CDC14A: variants seen among roughly 807,000 people sequenced by gnomAD.
CDC14A encodes the protein cell division cycle 14A.
A neutral mutation model predicts 74.4 loss-of-function variants in CDC14A; 53 were observed. The observed-to-expected ratio is 0.71, with a 90% CI of 0.57 to 0.89. The LOEUF is 0.89. CDC14A is among the 40% of genes least tolerant of loss of function. The probability of loss-of-function intolerance (pLI) is 0.00; values close to 1 mark genes in which losing one functional copy is unlikely to be tolerated. For synonymous variants in CDC14A, 247 were observed against 258.4 expected, an observed-to-expected ratio of 0.96 and a Z score of 0.43; for missense variants, 646 against 713.7, an observed-to-expected ratio of 0.91 and a Z score of 1.08.
In CDC14A at chr1:100,519,568, A is replaced by G. The variant is rs1478549404; in HGVS notation, c.*1288A>G. Reference sequence around the variant, plus strand: ...TTTACTCCCAACCATTGAGTTATTTATAATGTATTTATTAGGGGAGGGTAC... The same window carrying G: ...TTTACTCCCAACCATTGAGTTATTTGTAATGTATTTATTAGGGGAGGGTAC... On this transcript the variant is annotated 3_prime_UTR_variant, in exon 16 of 16. Transcript: ENST00000336454. 1 of 152,522 alleles carries G rather than the reference A, an allele frequency of 6.6e-6. No homozygotes were observed. The highest frequency in any genetic ancestry group is 2.4e-5 in the African/African-American group (1 of 41,442). The allele number at this position is 152,522 out of a possible 1,614,324, so 9.4% of individuals were successfully genotyped here.
chr1:100,471,815 A>G (rs904249513), intron 10 of CDC14A, among the ~76,000 whole-genome samples: 4 of 152,178 alleles, frequency 2.6e-5, no homozygotes, highest in Non-Finnish European at 5.9e-5. Context: ...CTTGGCTCCT[A>G]TCTCACAACC....
intron 4 of CDC14A, among the ~76,000 whole-genome samples, chr1:100,396,090 G>A (rs1571058318): frequency 1.3e-5 from 2 of 152,200 alleles, no homozygotes; most frequent in South Asian, 4.1e-4. Context: ...AGACTAGAGG[G>A]TAAGGACTTT....
At chr1:100,345,955 G>A (rs1650380066) in intron 1 of CDC14A, among the ~76,000 whole-genome samples, 1 of 152,130 alleles carries the variant, frequency 6.6e-6, no homozygotes, top group South Asian at 2.1e-4. Context: ...GGCAGATCAT[G>A]AGGTCAGGAG....
Position 100,382,442 on chromosome 1 carries a change from TG to T in CDC14A, c.216+4822del, listed in dbSNP as rs1185997702. Reference sequence around the variant, plus strand: ...TTGTAGAGGCAGGGACACACTATGTTGATCAGGCTGGTCTTGAACTTCTGGG... The same window carrying T: ...TTGTAGAGGCAGGGACACACTATGTTATCAGGCTGGTCTTGAACTTCTGGG... On this transcript the variant is annotated intron_variant, in intron 3 of 15. Transcript: ENST00000336454. Among the ~76,000 whole-genome samples, 10 of 150,910 alleles carry T rather than the reference TG, an allele frequency of 6.6e-5. No individual in the cohort carries two copies. In the East Asian group the frequency reaches 1.9e-3, roughly 29 times the overall value.
intron 4 of CDC14A, among the ~76,000 whole-genome samples, chr1:100,420,035 C>CATATAT (rs1340962877): frequency 8.9e-4 from 12 of 13,504 alleles, no homozygotes; most frequent in Non-Finnish European, 1.6e-3. Flanking sequence ...CATATATACA[C>CATATAT]ACACACACAC....
chr1:100,444,591 T>C (rs1665326116), intron 7 of CDC14A, among the ~76,000 whole-genome samples: 1 of 152,218 alleles, frequency 6.6e-6, no homozygotes. Flanking sequence ...AATATCCCTG[T>C]TGCTTGGCTG....
In CDC14A at chr1:100,442,883, G is replaced by A. The variant is rs147027432; in HGVS notation, c.457-51G>A. 7.1e-5 allele frequency: 84 copies of A among 1,184,156 alleles called. No individual in the cohort carries two copies. In the Middle Eastern group the frequency reaches 9.5e-4, roughly 13 times the overall value. The allele number at this position is 1,184,156 out of a possible 1,614,324, so 73.4% of individuals were successfully genotyped here. A position where few individuals can be genotyped will look rare whatever the true frequency, so the allele number is the denominator to read the frequency against. ...TAAGTAGGAGTTCCAGAAATGATGA[G>A]TAGAGTTTATCAATTTAGCATGGAA... On this transcript the variant is annotated intron_variant, in intron 6 of 15. Coordinates refer to ENST00000336454, the MANE Select transcript of CDC14A (RefSeq NM_003672.4).
intron 2 of CDC14A, among the ~76,000 whole-genome samples, chr1:100,364,017 T>C (rs983820448): frequency 3.3e-5 from 5 of 152,028 alleles, no homozygotes; most frequent in Non-Finnish European, 5.9e-5. Flanking sequence ...TAGTCCTAGC[T>C]ACTCTGGAGG....
intron 3 of CDC14A, among the ~76,000 whole-genome samples, chr1:100,378,966 G>A (rs559097199): frequency 6.6e-6 from 1 of 152,124 alleles, no homozygotes; most frequent in South Asian, 2.1e-4. Flanking sequence ...TAATGGCTGA[G>A]TAAACAAGAA....
At chr1:100,442,913 T>G in intron 6 of CDC14A, 21 bp from the exon 7 acceptor site, 1 of 1,539,702 alleles carries the variant, frequency 6.5e-7, no homozygotes, top group South Asian at 1.1e-5. Flanking sequence ...ATGGAAAAAC[T>G]AATTCAAATT....
At chr1:100,398,738 TG>T (rs750951316) in intron 4 of CDC14A, among the ~76,000 whole-genome samples, 14 of 152,262 alleles carry the variant, frequency 9.2e-5, no homozygotes, top group South Asian at 6.2e-4. Context: ...ATCTAACAAA[TG>T]TTTTTTTGAG....
chr1:100,440,135 G>C (rs1466060200), intron 6 of CDC14A, 137 bp downstream of exon 6: 12 of 644,516 alleles, frequency 1.9e-5, no homozygotes, highest in Non-Finnish European at 1.9e-5. Context: ...CTTCTTGAAG[G>C]ATGATTGATT....
chr1:100,431,021 A>C (rs1663595595), intron 5 of CDC14A, among the ~76,000 whole-genome samples: 1 of 152,232 alleles, frequency 6.6e-6, no homozygotes, highest in Non-Finnish European at 1.5e-5. Flanking sequence ...TGTTGAAAAT[A>C]GATGGCTTTT....
intron 4 of CDC14A, among the ~76,000 whole-genome samples, chr1:100,412,161 T>A (rs1660800982): frequency 6.6e-6 from 1 of 152,134 alleles, no homozygotes; most frequent in African/African-American, 2.4e-5. Flanking sequence ...GACGTACACT[T>A]AAAAACACTT....
rs141442096 is a variant in CDC14A, at chr1:100,475,489, T to C, written c.977+7395T>C. 4.5e-4 allele frequency among the ~76,000 whole-genome samples: 69 copies of C among 152,334 alleles called. 1 individual carries two copies. In the East Asian group the frequency reaches 0.011, roughly 25 times the overall value. ...TCCTAGTATGTTGAGACTCTGGATCTTACTAAAACATTCTGTTGTATCTGG... is the reference window on the plus strand; with the variant it reads ...TCCTAGTATGTTGAGACTCTGGATCCTACTAAAACATTCTGTTGTATCTGG... On this transcript the variant is annotated intron_variant, in intron 10 of 15. Coordinates refer to ENST00000336454, the MANE Select transcript of CDC14A (RefSeq NM_003672.4).
chr1:100,356,357 T>C (rs1224561549), intron 2 of CDC14A, among the ~76,000 whole-genome samples: 2 of 152,192 alleles, frequency 1.3e-5, no homozygotes, highest in Admixed American at 1.3e-4. Context: ...TCACAACAAT[T>C]CTGTGAGACA....
At chr1:100,512,442 C>T (rs1021222457) in intron 15 of CDC14A, among the ~76,000 whole-genome samples, 19 of 152,190 alleles carry the variant, frequency 1.2e-4, no homozygotes, top group African/African-American at 3.1e-4. Flanking sequence ...CTTTAATATA[C>T]GGTAATCTGG....
intron 12 of CDC14A, among the ~76,000 whole-genome samples, chr1:100,495,677 A>G (rs1362940984): frequency 6.6e-6 from 1 of 152,210 alleles, no homozygotes; most frequent in Non-Finnish European, 1.5e-5. Flanking sequence ...GGTATGGTAA[A>G]CACCAAACAG....
At chr1:100,452,401 AC>A (rs1306207479) in intron 7 of CDC14A, among the ~76,000 whole-genome samples, 1 of 152,176 alleles carries the variant, frequency 6.6e-6, no homozygotes, top group Non-Finnish European at 1.5e-5. Context: ...AATCCCAGCT[AC>A]TTGGGAGGCT....
Sources: gnomAD v4.1 joint callset for allele counts (sites outside exome capture counted in the v4.1 genomes callset) on GRCh38, gnomAD v4.1.1 for gene constraint, MANE v1.5 for transcripts, NCBI Gene and HGNC (gene_info 2026-07-23, HGNC 2026-07-21) for gene names.